The following OSBPL6 variants were observed in gnomAD, a reference collection of about 807,000 sequenced individuals.
OSBPL6 encodes oxysterol binding protein like 6.
OSBPL6 carries 49 observed loss-of-function variants against 125.8 expected under a neutral mutation model. The ratio of observed to expected loss-of-function variants is 0.39; its 90% CI spans 0.31 to 0.49. OSBPL6 has a LOEUF of 0.49. Among genes scored for constraint, OSBPL6 ranks in the 20% least tolerant of loss-of-function variants. The pLI is 0.88. For synonymous variants in OSBPL6, 394 were observed against 391.8 expected (o/e 1.01, Z -0.07); for missense variants, 986 against 1,135.4 (o/e 0.87, Z 1.89).
At chr2:178,329,741 C>T (rs1259552192) in intron 5 of OSBPL6, among the ~76,000 whole-genome samples, 1 of 151,984 alleles carries the variant, frequency 6.6e-6, no homozygotes, top group Non-Finnish European at 1.5e-5. Context: ...TTTAGTGGGC[C>T]ACCCAGTATC....
At chr2:178,347,856 C>A (rs931163052) in intron 11 of OSBPL6, among the ~76,000 whole-genome samples, 3 of 152,148 alleles carry the variant, frequency 2.0e-5, no homozygotes, top group Non-Finnish European at 4.4e-5. Flanking sequence ...CCAAATGATT[C>A]AAATAACATA....
chr2:178,360,375 G>A (rs537185689), intron 12 of OSBPL6, among the ~76,000 whole-genome samples: 3 of 152,048 alleles, frequency 2.0e-5, no homozygotes, highest in African/African-American at 2.4e-5. Context: ...CAGCGCGGTG[G>A]GGGGGCGGGA....
intron 1 of OSBPL6, among the ~76,000 whole-genome samples, chr2:178,250,059 C>G (rs987700545): frequency 6.6e-6 from 1 of 152,152 alleles, no homozygotes; most frequent in African/African-American, 2.4e-5. Context: ...ATAGGTTCTA[C>G]CATAGTTCCC....
chr2:178,254,729 G>C (rs1336133336), intron 1 of OSBPL6, among the ~76,000 whole-genome samples: 1 of 152,132 alleles, frequency 6.6e-6, no homozygotes, highest in African/African-American at 2.4e-5. Flanking sequence ...AAAATGCCAG[G>C]GAGTAGGTAG....
chr2:178,196,497 C>T (rs534166989), intron 1 of OSBPL6, among the ~76,000 whole-genome samples: 3 of 152,114 alleles, frequency 2.0e-5, no homozygotes, highest in Non-Finnish European at 2.9e-5. Context: ...TCAGGTGACT[C>T]TTGGCTTTAG....
intron 1 of OSBPL6, among the ~76,000 whole-genome samples, chr2:178,203,128 C>CT (rs1465152287): frequency 1.3e-5 from 2 of 152,108 alleles, no homozygotes; most frequent in African/African-American, 4.8e-5. Flanking sequence ...TTAAAGTTCT[C>CT]TTTTCTCTGT....
At chr2:178,297,666 G>A (rs572502817) in intron 2 of OSBPL6, among the ~76,000 whole-genome samples, 3 of 152,270 alleles carry the variant, frequency 2.0e-5, no homozygotes, top group African/African-American at 7.2e-5. Flanking sequence ...TAAATACAGT[G>A]CAGTATATGT....
Position 178,228,371 on chromosome 2 carries a change from T to TA in OSBPL6, c.-351+33702dup, listed in dbSNP as rs546813780. On this transcript the variant is annotated intron_variant, in intron 1 of 24. Transcript: ENST00000190611. ...TAACATGGTGAAACACCATCTCTAC[T>TA]AAAAATACAAAAAATGAGCCGGGTG... Among the ~76,000 whole-genome samples the TA allele has an allele frequency of 3.9e-3, 600 of 152,176 alleles. 5 individuals carry two copies. Among genetic ancestry groups the TA allele is most frequent in the African/African-American group, 0.014 (566 of 41,534 alleles).
At chr2:178,202,424 T>G (rs919002471) in intron 1 of OSBPL6, among the ~76,000 whole-genome samples, 4 of 152,226 alleles carry the variant, frequency 2.6e-5, no homozygotes, top group Admixed American at 1.3e-4. Flanking sequence ...ATTTTTCTTT[T>G]TAGTGTTTTG....
chr2:178,326,093 T>C (rs1249964688), intron 4 of OSBPL6, among the ~76,000 whole-genome samples: 4 of 148,102 alleles, frequency 2.7e-5, no homozygotes, highest in African/African-American at 5.0e-5. Context: ...TCCTGGGCAC[T>C]GATTAGTGGT....
At chr2:178,346,383 G>A (rs1690719565) in intron 11 of OSBPL6, among the ~76,000 whole-genome samples, 1 of 152,176 alleles carries the variant, frequency 6.6e-6, no homozygotes, top group Non-Finnish European at 1.5e-5. Flanking sequence ...GACCTACTGT[G>A]TAGACTTTCA....
chr2:178,212,276 G>A (rs1014189376), intron 1 of OSBPL6, among the ~76,000 whole-genome samples: 1 of 152,170 alleles, frequency 6.6e-6, no homozygotes, highest in Non-Finnish European at 1.5e-5. Context: ...ATTTAAATAT[G>A]TCCTTTCCTG....
chr2:178,272,811 C>T (rs974654494), intron 1 of OSBPL6, among the ~76,000 whole-genome samples: 7 of 152,192 alleles, frequency 4.6e-5, no homozygotes, highest in African/African-American at 1.7e-4. Flanking sequence ...AGCATGAGCA[C>T]CTGCCATGGG....
rs1456930694 is a variant in OSBPL6, at chr2:178,401,555, A to G, written c.*5996A>G. ...CTTTCCAGACAAGATCACATACAAA[A>G]TGGTTAACATGAAATGCTAATGAAG... On this transcript the variant is annotated 3_prime_UTR_variant, in exon 25 of 25. Transcript: ENST00000190611. The G allele has an allele frequency of 6.6e-6, 1 of 152,242 alleles. No individual in the cohort carries two copies. The highest frequency in any genetic ancestry group is 1.5e-5 in the Non-Finnish European group (1 of 68,044). The allele number at this position is 152,242 out of a possible 1,614,324, so 9.4% of individuals were successfully genotyped here.
intron 1 of OSBPL6, among the ~76,000 whole-genome samples, chr2:178,262,355 T>G (rs1039538697): frequency 1.3e-5 from 2 of 152,190 alleles, no homozygotes; most frequent in Non-Finnish European, 2.9e-5. Flanking sequence ...ATTGTTTGAG[T>G]ATTAAATTTT....
At chr2:178,258,175 ACCATGGC>A (rs2091945677) in intron 1 of OSBPL6, among the ~76,000 whole-genome samples, 1 of 151,662 alleles carries the variant, frequency 6.6e-6, no homozygotes, top group South Asian at 2.1e-4. Flanking sequence ...ATCTTGGCTC[ACCATGGC>A]CTCCGCCTCC....
chr2:178,334,616 C>T (rs1437601167), intron 8 of OSBPL6, among the ~76,000 whole-genome samples: 1 of 152,150 alleles, frequency 6.6e-6, no homozygotes, highest in Non-Finnish European at 1.5e-5. Context: ...TCAACCTCCT[C>T]CTCCTGAATT....
At chr2:178,390,984 CAAGGCTAAGA>C in intron 21 of OSBPL6, 79 bp from the exon 22 acceptor site, 1 of 1,545,542 alleles carries the variant, frequency 6.5e-7, no homozygotes, top group Non-Finnish European at 8.8e-7. Flanking sequence ...TAAGGGACTT[CAAGGCTAAGA>C]AATTTTTCTA....
chr2:178,376,390 T>C (rs1229178926), intron 15 of OSBPL6, among the ~76,000 whole-genome samples: 1 of 152,118 alleles, frequency 6.6e-6, no homozygotes, highest in African/African-American at 2.4e-5. Flanking sequence ...CCCACCTTGA[T>C]TCACTCGGGT....
Sources: gnomAD v4.1 joint callset for allele counts (sites outside exome capture counted in the v4.1 genomes callset) on GRCh38, gnomAD v4.1.1 for gene constraint, MANE v1.5 for transcripts, NCBI Gene and HGNC (gene_info 2026-07-23, HGNC 2026-07-21) for gene names.